The following ROBO2 variants were observed in gnomAD, a reference collection of about 807,000 sequenced individuals.
ROBO2 encodes roundabout homolog 2.
ROBO2 carries 53 observed loss-of-function variants against 160.8 expected under a neutral mutation model. The ratio of observed to expected loss-of-function variants is 0.33; its 90% CI spans 0.26 to 0.41. The LOEUF is 0.41. Ranked by LOEUF, ROBO2 falls within the 10% of genes least tolerant of loss-of-function variation. The pLI is 1.00. For missense variants in ROBO2, 1,577 were observed against 1,722.4 expected (o/e 0.92, Z 1.49); for synonymous variants, 664 against 611.7 (o/e 1.09, Z -1.26).
chr3:76,792,948 A>C (rs997153821), intron 2 of ROBO2, among the ~76,000 whole-genome samples: 1 of 151,838 alleles, frequency 6.6e-6, no homozygotes, highest in Non-Finnish European at 1.5e-5. Flanking sequence ...TAACTGTTTA[A>C]ATTTTCTTAA....
At chr3:76,072,237 G>T (rs571241195) in intron 2 of ROBO2, among the ~76,000 whole-genome samples, 45 of 86,224 alleles carry the variant, frequency 5.2e-4, no homozygotes, top group Non-Finnish European at 9.5e-4. Context: ...TCTTTCCCCC[G>T]CAAAAAAAAA....
chr3:76,370,628 C>T (rs955576535), intron 2 of ROBO2, among the ~76,000 whole-genome samples: 1 of 151,892 alleles, frequency 6.6e-6, no homozygotes, highest in African/African-American at 2.4e-5. Context: ...TTGGAGCTGA[C>T]ATTTCTTGTC....
chr3:76,554,843 T>C (rs1272405528), intron 2 of ROBO2, among the ~76,000 whole-genome samples: 1 of 152,016 alleles, frequency 6.6e-6, no homozygotes, highest in Admixed American at 6.6e-5. Context: ...CTTTCATGAG[T>C]TACAATCCTA....
chr3:75,937,856 T>TATATATATATATATATATAC (rs1947865581), intron 2 of ROBO2, among the ~76,000 whole-genome samples: 1 of 142,516 alleles, frequency 7.0e-6, no homozygotes, highest in Non-Finnish European at 1.5e-5. Context: ...TATATATATA[T>TATATATATATATATATATAC]ATATATATAT....
At chr3:76,471,833 C>T (rs752499010) in intron 2 of ROBO2, among the ~76,000 whole-genome samples, 3 of 152,142 alleles carry the variant, frequency 2.0e-5, no homozygotes, top group Non-Finnish European at 2.9e-5. Flanking sequence ...TCCTTCATCA[C>T]GTGATGGCAG....
chr3:76,664,167 A>T (rs1050492648), intron 2 of ROBO2, among the ~76,000 whole-genome samples: 1 of 152,190 alleles, frequency 6.6e-6, no homozygotes, highest in African/African-American at 2.4e-5. Context: ...ATTGTGTAAA[A>T]GGGGTTGATA....
chr3:76,876,841 T>A (rs952043447), intron 2 of ROBO2, among the ~76,000 whole-genome samples: 9 of 152,188 alleles, frequency 5.9e-5, no homozygotes, highest in Admixed American at 6.5e-5. Flanking sequence ...AAAAATTTGC[T>A]ATTTCACTGC....
intron 2 of ROBO2, among the ~76,000 whole-genome samples, chr3:76,778,793 T>C (rs959964089): frequency 3.3e-5 from 5 of 151,084 alleles, no homozygotes; most frequent in African/African-American, 1.2e-4. Context: ...CCATCACCAT[T>C]AGCAGTGAGT....
At chr3:77,408,877 A>G (rs375940097) in intron 2 of ROBO2, among the ~76,000 whole-genome samples, 7 of 151,730 alleles carry the variant, frequency 4.6e-5, no homozygotes, top group African/African-American at 1.2e-4. Context: ...GGCATTCACC[A>G]CTGTGGCTGG....
At chr3:76,477,200 C>A (rs144586913) in intron 2 of ROBO2, among the ~76,000 whole-genome samples, 2 of 152,152 alleles carry the variant, frequency 1.3e-5, no homozygotes, top group East Asian at 3.8e-4. Context: ...TATATCATAA[C>A]TATGAACCAA....
intron 2 of ROBO2, among the ~76,000 whole-genome samples, chr3:76,217,942 C>A (rs1048015012): frequency 6.6e-6 from 1 of 152,170 alleles, no homozygotes; most frequent in African/African-American, 2.4e-5. Flanking sequence ...AATCCAGCAA[C>A]ACATCAAAAA....
chr3:76,996,304 G>T (rs1475411646), intron 2 of ROBO2, among the ~76,000 whole-genome samples: 4 of 152,134 alleles, frequency 2.6e-5, no homozygotes, highest in African/African-American at 9.6e-5. Context: ...CTGTCCCATT[G>T]GTCTATATCT....
At chr3:75,964,608 T>C (rs1464116174) in intron 2 of ROBO2, among the ~76,000 whole-genome samples, 1 of 151,656 alleles carries the variant, frequency 6.6e-6, no homozygotes, top group East Asian at 1.9e-4. Flanking sequence ...GTATATGAGA[T>C]GCAGATGCTT....
intron 2 of ROBO2, among the ~76,000 whole-genome samples, chr3:76,441,669 A>C (rs551514988): frequency 6.6e-6 from 1 of 152,304 alleles, no homozygotes; most frequent in African/African-American, 2.4e-5. Flanking sequence ...CTCCCAGAAG[A>C]GAGCAAGGGA....
At chr3:76,408,557 T>G (rs2075329216) in intron 2 of ROBO2, among the ~76,000 whole-genome samples, 1 of 152,048 alleles carries the variant, frequency 6.6e-6, no homozygotes, top group South Asian at 2.1e-4. Context: ...TTCATTTCAG[T>G]AAGAGAAAGA....
chr3:76,462,907 C>T (rs186982830), intron 2 of ROBO2, among the ~76,000 whole-genome samples: 189 of 152,252 alleles, frequency 1.2e-3, no homozygotes, highest in African/African-American at 4.2e-3. Flanking sequence ...CCTCTTTGGG[C>T]AAATTTTACA....
At chr3:77,438,007 C>G (rs528647875) in intron 2 of ROBO2, among the ~76,000 whole-genome samples, 38 of 152,006 alleles carry the variant, frequency 2.5e-4, no homozygotes, top group Middle Eastern at 3.4e-3. Context: ...ACGATAATAA[C>G]TATAATACCA....
At chr3:77,189,267 G>T (rs952670572) in intron 2 of ROBO2, among the ~76,000 whole-genome samples, 1 of 151,758 alleles carries the variant, frequency 6.6e-6, no homozygotes, top group Non-Finnish European at 1.5e-5. Context: ...GTATGATAGG[G>T]TTAACATGTG....
chr3:76,873,844 C>G (rs2148697679), intron 2 of ROBO2, among the ~76,000 whole-genome samples: 1 of 152,256 alleles, frequency 6.6e-6, no homozygotes, highest in Middle Eastern at 3.4e-3. Flanking sequence ...TCTTTGCATT[C>G]CTTATTTCCT....
Sources: gnomAD v4.1 joint callset for allele counts (sites outside exome capture counted in the v4.1 genomes callset) on GRCh38, gnomAD v4.1.1 for gene constraint, MANE v1.5 for transcripts, NCBI Gene and HGNC (gene_info 2026-07-23, HGNC 2026-07-21) for gene names.